The following ANKRD30A variants were observed in gnomAD, a reference collection of about 807,000 sequenced individuals.
ANKRD30A encodes the protein ankyrin repeat domain-containing protein 30A.
In ANKRD30A, 170 loss-of-function variants were observed where a neutral mutation model predicts 166.3. That is an observed-to-expected ratio of 1.02 (90% CI 0.90 to 1.16). The LOEUF is 1.16. ANKRD30A is among the 50% of genes most tolerant of loss of function. The pLI is 0.00. For synonymous variants in ANKRD30A, 564 were observed against 508.9 expected (o/e 1.11, Z -1.46); for missense variants, 1,630 against 1,518.0 (o/e 1.07, Z -1.23).
intron 5 of ANKRD30A, among the ~76,000 whole-genome samples, chr10:37,136,269 A>C (rs1321573529): frequency 1.3e-5 from 2 of 152,200 alleles, no homozygotes; most frequent in Admixed American, 6.5e-5. Flanking sequence ...ATTGAGCCTA[A>C]GAGAAGCAAC....
chr10:37,160,032 T>G (rs1263887029), intron 15 of ANKRD30A, among the ~76,000 whole-genome samples: 4 of 152,234 alleles, frequency 2.6e-5, no homozygotes, highest in African/African-American at 9.6e-5. Flanking sequence ...GGTTGTACAC[T>G]GTACATATTG....
chr10:37,141,379 C>T (rs1374747276), intron 6 of ANKRD30A, among the ~76,000 whole-genome samples: 1 of 151,906 alleles, frequency 6.6e-6, no homozygotes, highest in African/African-American at 2.4e-5. Flanking sequence ...TGAGACCAGC[C>T]TGACTAACAT....
intron 24 of ANKRD30A, among the ~76,000 whole-genome samples, chr10:37,183,846 C>T (rs1162645305): frequency 3.4e-5 from 5 of 148,436 alleles, no homozygotes; most frequent in Non-Finnish European, 1.5e-5. Flanking sequence ...GATAGTTACA[C>T]TTATTTATTT....
At chr10:37,192,439 A>C (rs903251237) in intron 25 of ANKRD30A, among the ~76,000 whole-genome samples, 9 of 151,982 alleles carry the variant, frequency 5.9e-5, no homozygotes, top group Non-Finnish European at 1.3e-4. Context: ...TGAATGTGAA[A>C]ATACTCGTAT....
chr10:37,210,505 T>C (rs1017437119), intron 31 of ANKRD30A, among the ~76,000 whole-genome samples: 3 of 152,100 alleles, frequency 2.0e-5, no homozygotes, highest in African/African-American at 7.2e-5. Context: ...CTGGGTCAAA[T>C]GGTATTTCTG....
At chr10:37,198,883 C>A (rs1419060799) in intron 29 of ANKRD30A, among the ~76,000 whole-genome samples, 2 of 151,992 alleles carry the variant, frequency 1.3e-5, no homozygotes, top group Non-Finnish European at 2.9e-5. Flanking sequence ...GTAATTTGTA[C>A]TTTGTGCTGA....
chr10:37,209,525 G>A (rs1842168532), intron 31 of ANKRD30A, among the ~76,000 whole-genome samples: 1 of 152,130 alleles, frequency 6.6e-6, no homozygotes, highest in African/African-American at 2.4e-5. Flanking sequence ...AATTATTTGT[G>A]AGAAATCTTC....
intron 5 of ANKRD30A, among the ~76,000 whole-genome samples, chr10:37,134,351 T>TA (rs1009188082): frequency 3.9e-5 from 6 of 152,092 alleles, no homozygotes; most frequent in Admixed American, 6.6e-5. Context: ...TTGAATTTTT[T>TA]AAAAAAAATC....
At position 37,162,479 on chromosome 10, in the gene ANKRD30A, A is replaced by G. The variant is rs150868523; in HGVS notation, c.1901-170A>G. ...CCTGTATTTATATTTTCTTCAGTGT[A>G]TTCTTGTCGTGTGTGTGTCCTAAAC... is the stretch of plus-strand genomic sequence containing the variant. On this transcript the variant is annotated intron_variant, in intron 15 of 35. Transcript: ENST00000361713. 3.3e-5 allele frequency among the ~76,000 whole-genome samples: 5 copies of G among 152,116 alleles called. 1 individual carries two copies. The South Asian group carries it at 1.0e-3, about 32-fold the overall frequency.
intron 17 of ANKRD30A, among the ~76,000 whole-genome samples, chr10:37,164,453 T>C (rs1193529538): frequency 6.6e-6 from 1 of 151,842 alleles, no homozygotes; most frequent in African/African-American, 2.4e-5. Flanking sequence ...TCTGAAGATA[T>C]TGTTGCATTA....
intron 31 of ANKRD30A, among the ~76,000 whole-genome samples, chr10:37,206,416 T>C (rs1255454010): frequency 6.6e-6 from 1 of 152,218 alleles, no homozygotes; most frequent in Non-Finnish European, 1.5e-5. Context: ...GAGATATGTT[T>C]TGTTGATATT....
At chr10:37,254,458 T>A in the ANKRD30A span, among the ~76,000 whole-genome samples, 1 of 152,204 alleles carries the variant, frequency 6.6e-6, no homozygotes, top group Non-Finnish European at 1.5e-5. Flanking sequence ...TGTATTTTCT[T>A]GATGGCTGGT....
chr10:37,178,561 T>C, intron 24 of ANKRD30A: 1 of 979,258 alleles, frequency 1.0e-6, no homozygotes, highest in Non-Finnish European at 1.2e-6. Context: ...AGCAACTGGA[T>C]AGAAGGTCAG....
intron 11 of ANKRD30A, among the ~76,000 whole-genome samples, chr10:37,151,189 C>G (rs541665378): frequency 3.2e-4 from 49 of 152,186 alleles, no homozygotes; most frequent in African/African-American, 9.9e-4. Flanking sequence ...TTTTTTTCCT[C>G]AACCTGATTC....
intron 29 of ANKRD30A, among the ~76,000 whole-genome samples, chr10:37,198,216 G>C (rs559407216): frequency 2.0e-5 from 3 of 151,894 alleles, no homozygotes; most frequent in African/African-American, 7.3e-5. Context: ...ACATGTGTGC[G>C]TGGTCATATT....
At chr10:37,227,280 A>G (rs539228229) in intron 34 of ANKRD30A, among the ~76,000 whole-genome samples, 1 of 151,944 alleles carries the variant, frequency 6.6e-6, no homozygotes, top group Non-Finnish European at 1.5e-5. Context: ...TCTTAAATTT[A>G]GCTATTTTAT....
intron 7 of ANKRD30A, among the ~76,000 whole-genome samples, chr10:37,143,705 C>T (rs1837314413): frequency 6.6e-6 from 1 of 152,116 alleles, no homozygotes; most frequent in South Asian, 2.1e-4. Context: ...AGCTATTGAA[C>T]TCTGCATTGT....
chr10:37,149,723 G>T (rs1837775069), intron 10 of ANKRD30A, 44 bp downstream of exon 10: 1 of 1,611,742 alleles, frequency 6.2e-7, no homozygotes, highest in East Asian at 2.2e-5. Context: ...TATTAATTAT[G>T]TATTTGTGAA....
chr10:37,199,250 T>G (rs1374570310), intron 29 of ANKRD30A, among the ~76,000 whole-genome samples: 1 of 152,124 alleles, frequency 6.6e-6, no homozygotes, highest in East Asian at 1.9e-4. Flanking sequence ...TATAGTTGAC[T>G]GACATCAAAA....
Sources: gnomAD v4.1 joint callset for allele counts (sites outside exome capture counted in the v4.1 genomes callset) on GRCh38, gnomAD v4.1.1 for gene constraint, MANE v1.5 for transcripts, NCBI Gene and HGNC (gene_info 2026-07-23, HGNC 2026-07-21) for gene names.